The following PLCH1 variants were observed in gnomAD, a reference collection of about 807,000 sequenced individuals.
PLCH1 encodes the protein phospholipase C eta 1.
PLCH1 carries 60 observed loss-of-function variants against 126.7 expected under a neutral mutation model. That is an observed-to-expected ratio of 0.47 (90% CI 0.38 to 0.59). The LOEUF is 0.59. PLCH1 is among the 20% of genes least tolerant of loss of function. The pLI is 0.00. For missense variants in PLCH1, 1,723 were observed against 2,040.0 expected, an observed-to-expected ratio of 0.84 and a Z score of 2.99; for synonymous variants, 719 against 734.9, an observed-to-expected ratio of 0.98 and a Z score of 0.35.
At chr3:155,687,488 T>G (rs1219030102) in intron 2 of PLCH1, among the ~76,000 whole-genome samples, 2 of 152,156 alleles carry the variant, frequency 1.3e-5, no homozygotes, top group Non-Finnish European at 2.9e-5. Flanking sequence ...AGAGAAAATT[T>G]TACATTACTA....
chr3:155,470,444 A>C (rs370820879), intron 21 of PLCH1, among the ~76,000 whole-genome samples: 1 of 152,134 alleles, frequency 6.6e-6, no homozygotes, highest in Non-Finnish European at 1.5e-5. Flanking sequence ...CCAAATCTAC[A>C]TCTGATTGGT....
At chr3:155,520,486 A>G (rs1411852812) in intron 11 of PLCH1, among the ~76,000 whole-genome samples, 10 of 152,222 alleles carry the variant, frequency 6.6e-5, no homozygotes, top group African/African-American at 2.2e-4. Flanking sequence ...CGTAGGAGAT[A>G]CAGAGCTAAT....
At chr3:155,512,746 T>G (rs921651131) in intron 12 of PLCH1, among the ~76,000 whole-genome samples, 1 of 152,212 alleles carries the variant, frequency 6.6e-6, no homozygotes, top group Non-Finnish European at 1.5e-5. Context: ...TTATGGGCTA[T>G]TATCTCTGAA....
intron 14 of PLCH1, 141 bp from the exon 15 acceptor site, chr3:155,497,558 C>A: frequency 1.6e-6 from 1 of 630,974 alleles, no homozygotes; most frequent in South Asian, 1.9e-5. Flanking sequence ...GGATTGGCAC[C>A]CAAGTGTGCT....
At chr3:155,556,491 A>G (rs1369181824) in intron 8 of PLCH1, among the ~76,000 whole-genome samples, 1 of 152,246 alleles carries the variant, frequency 6.6e-6, no homozygotes, top group Admixed American at 6.5e-5. Context: ...CTTTTAAAAT[A>G]TTCAAAATGC....
At chr3:155,533,796 C>T (rs1722992721) in intron 10 of PLCH1, among the ~76,000 whole-genome samples, 2 of 152,320 alleles carry the variant, frequency 1.3e-5, no homozygotes, top group East Asian at 1.9e-4. Flanking sequence ...GGACTTGGTA[C>T]TCTACAACCT....
Position 155,669,455 on chromosome 3 carries a change from G to A in PLCH1, c.79+34691C>T, listed in dbSNP as rs1055573636. On this transcript the variant is annotated intron_variant, in intron 2 of 22. Coordinates refer to ENST00000460012, the MANE Select transcript of PLCH1 (RefSeq NM_014996.4). Reference sequence around the variant, plus strand: ...TAGCCAGACATGGTGGCATGCACCTGTAGTCCCAGCTACTCGAGAGGCTAA... The same window carrying A: ...TAGCCAGACATGGTGGCATGCACCTATAGTCCCAGCTACTCGAGAGGCTAA... Among the ~76,000 whole-genome samples, 8 of 152,106 alleles carry A rather than the reference G, an allele frequency of 5.3e-5. No homozygotes were observed. The South Asian group carries it at 1.5e-3, about 28-fold the overall frequency.
At chr3:155,496,240 T>C (rs1717012109) in intron 15 of PLCH1, among the ~76,000 whole-genome samples, 1 of 152,174 alleles carries the variant, frequency 6.6e-6, no homozygotes, top group Non-Finnish European at 1.5e-5. Context: ...ATTAAGTTAA[T>C]AGGATTATGT....
intron 10 of PLCH1, among the ~76,000 whole-genome samples, chr3:155,548,577 G>T (rs1725696559): frequency 6.6e-6 from 1 of 152,164 alleles, no homozygotes; most frequent in Non-Finnish European, 1.5e-5. Flanking sequence ...AATTTATTCT[G>T]CATTTAACAT....
intron 2 of PLCH1, among the ~76,000 whole-genome samples, chr3:155,687,724 G>A (rs1289091754): frequency 2.0e-5 from 3 of 152,164 alleles, no homozygotes; most frequent in Admixed American, 6.5e-5. Flanking sequence ...CTGAGACTAA[G>A]TATTTGTCTT....
chr3:155,452,652 G>C (rs1169575207), intron 21 of PLCH1, among the ~76,000 whole-genome samples: 2 of 152,002 alleles, frequency 1.3e-5, no homozygotes, highest in African/African-American at 4.8e-5. Context: ...GGAAGGAGCT[G>C]GGTGACTATG....
chr3:155,623,575 G>A (rs567551629), intron 2 of PLCH1, among the ~76,000 whole-genome samples: 31 of 152,070 alleles, frequency 2.0e-4, no homozygotes, highest in Middle Eastern at 3.4e-3. Context: ...ATAAAGGGGA[G>A]ATCACCAACA....
chr3:155,665,984 C>T (rs1375181271), intron 2 of PLCH1, among the ~76,000 whole-genome samples: 1 of 152,192 alleles, frequency 6.6e-6, no homozygotes, highest in Non-Finnish European at 1.5e-5. Flanking sequence ...ATATCAATCA[C>T]CATAGATATT....
chr3:155,671,181 G>C (rs1371391437), intron 2 of PLCH1, among the ~76,000 whole-genome samples: 1 of 152,166 alleles, frequency 6.6e-6, no homozygotes, highest in African/African-American at 2.4e-5. Context: ...AGCTGACCTA[G>C]AGCAAGTTCT....
intron 11 of PLCH1, among the ~76,000 whole-genome samples, chr3:155,522,298 G>A (rs1415501286): frequency 6.6e-6 from 1 of 151,990 alleles, no homozygotes. Flanking sequence ...GGAGAAAAAA[G>A]CAACTATTTA....
chr3:155,547,401 A>T (rs1439123017), intron 10 of PLCH1, among the ~76,000 whole-genome samples: 3 of 120,452 alleles, frequency 2.5e-5, no homozygotes, highest in African/African-American at 8.5e-5. Flanking sequence ...CAGGTGCTGG[A>T]GAGGATGTGG....
intron 7 of PLCH1, 101 bp downstream of exon 7, chr3:155,568,130 C>A (rs1577033949): frequency 1.7e-6 from 1 of 601,300 alleles, no homozygotes; most frequent in East Asian, 2.9e-5. Context: ...TAATATAATC[C>A]CATGGATATG....
At chr3:155,649,111 G>T (rs1262559503) in intron 2 of PLCH1, among the ~76,000 whole-genome samples, 1 of 152,104 alleles carries the variant, frequency 6.6e-6, no homozygotes, top group Admixed American at 6.5e-5. Context: ...GGGCAAGAGG[G>T]GGGCTCAGAG....
intron 6 of PLCH1, among the ~76,000 whole-genome samples, chr3:155,573,920 C>G (rs1276579726): frequency 6.6e-6 from 1 of 151,884 alleles, no homozygotes; most frequent in African/African-American, 2.4e-5. Context: ...AATCCTCTTA[C>G]CTCTTTTTTT....
Sources: gnomAD v4.1 joint callset for allele counts (sites outside exome capture counted in the v4.1 genomes callset) on GRCh38, gnomAD v4.1.1 for gene constraint, MANE v1.5 for transcripts, NCBI Gene and HGNC (gene_info 2026-07-23, HGNC 2026-07-21) for gene names.